Variants in ZCWPW2 observed in about 807,000 individuals in gnomAD.
ZCWPW2 encodes zinc finger CW-type PWWP domain protein 2.
A neutral mutation model predicts 46.6 loss-of-function variants in ZCWPW2; 45 were observed. That is an observed-to-expected ratio of 0.96 (90% CI 0.76 to 1.24). ZCWPW2 has a LOEUF of 1.24. Among genes scored for constraint, ZCWPW2 ranks in the 50% most tolerant of loss-of-function variants. The pLI is 0.00. For synonymous variants in ZCWPW2, 152 were observed against 137.1 expected, an observed-to-expected ratio of 1.11 and a Z score of -0.76; for missense variants, 429 against 403.9, an observed-to-expected ratio of 1.06 and a Z score of -0.53.
intron 5 of ZCWPW2, 117 bp downstream of exon 5, chr3:28,479,048 T>C (rs755089039): frequency 9.7e-6 from 6 of 619,398 alleles, no homozygotes; most frequent in Non-Finnish European, 1.6e-5. Flanking sequence ...AGGGAAATAG[T>C]ATATCATTGT....
intron 2 of ZCWPW2, among the ~76,000 whole-genome samples, chr3:28,399,079 C>G (rs116637435): frequency 0.034 from 5,153 of 152,268 alleles, 121 homozygotes; most frequent in Non-Finnish European, 0.054. Flanking sequence ...TGGAAACAGA[C>G]TTGGTGATGT....
intron 5 of ZCWPW2, among the ~76,000 whole-genome samples, chr3:28,485,027 T>C (rs1699549658): frequency 1.3e-5 from 2 of 152,142 alleles, no homozygotes; most frequent in South Asian, 4.1e-4. Flanking sequence ...TTCTAATAGA[T>C]GAATTCAATG....
rs560772782 is a variant in ZCWPW2 at position 28,441,609 on chromosome 3, G to A, written c.492+6340G>A. ...CATGAGGCCATTGGTGCAAGCTGGGGGAGAGAAGGCAGGGTGGCAGGACTG... is the reference window on the plus strand; with the variant it reads ...CATGAGGCCATTGGTGCAAGCTGGGAGAGAGAAGGCAGGGTGGCAGGACTG... On this transcript the variant is annotated intron_variant, in intron 4 of 9. Transcript: ENST00000383768. 1.1e-4 allele frequency among the ~76,000 whole-genome samples: 16 copies of A among 152,262 alleles called. No individual in the cohort carries two copies. The South Asian group carries it at 3.1e-3, about 30-fold the overall frequency.
At position 28,504,251 on chromosome 3, in the gene ZCWPW2, C is replaced by A. The variant is rs528243763; in HGVS notation, c.658-9813C>A. On this transcript the variant is annotated intron_variant, in intron 6 of 9. Coordinates refer to ENST00000383768, the MANE Select transcript of ZCWPW2 (RefSeq NM_001040432.4). ...TTCACTTTGTTCCAGAAATAATTTGCCGTATCATGAAATATTTATATTAGA... is the reference window on the plus strand; with the variant it reads ...TTCACTTTGTTCCAGAAATAATTTGACGTATCATGAAATATTTATATTAGA... 6.6e-5 allele frequency among the ~76,000 whole-genome samples: 10 copies of A among 152,128 alleles called. No homozygotes were observed. The South Asian group carries it at 2.1e-3, about 32-fold the overall frequency.
chr3:28,407,323 T>A (rs1346251119), intron 2 of ZCWPW2, among the ~76,000 whole-genome samples: 2 of 152,216 alleles, frequency 1.3e-5, no homozygotes, highest in African/African-American at 4.8e-5. Flanking sequence ...ATCAAGTATT[T>A]TATGGAACTT....
chr3:28,452,613 A>T (rs1698269677), intron 4 of ZCWPW2, among the ~76,000 whole-genome samples: 2 of 152,154 alleles, frequency 1.3e-5, no homozygotes, highest in Non-Finnish European at 2.9e-5. Flanking sequence ...TTAAAATAGA[A>T]ATTGTGATAG....
chr3:28,509,317 G>T (rs1700363630), intron 6 of ZCWPW2, among the ~76,000 whole-genome samples: 1 of 152,044 alleles, frequency 6.6e-6, no homozygotes, highest in Non-Finnish European at 1.5e-5. Flanking sequence ...ATGGGAATAT[G>T]CTTCTATTTT....
At position 28,417,149 on chromosome 3, in the gene ZCWPW2, G is replaced by A. The variant is rs547887278; in HGVS notation, c.332+3749G>A. Among the ~76,000 whole-genome samples the A allele has an allele frequency of 2.7e-5, 4 of 150,360 alleles. No individual in the cohort carries two copies. In the East Asian group the frequency reaches 5.9e-4, roughly 22 times the overall value. ...AAAGACAAAGGGGATATCACTGCTA[G>A]CAAGACAAATAAAGAAGAAAAGACA... On this transcript the variant is annotated intron_variant, in intron 3 of 9. Transcript: ENST00000383768.
At chr3:28,439,891 G>A (rs1187769836) in intron 4 of ZCWPW2, among the ~76,000 whole-genome samples, 1 of 152,184 alleles carries the variant, frequency 6.6e-6, no homozygotes, top group African/African-American at 2.4e-5. Context: ...TCTGCAGCTG[G>A]TCATGTGGTT....
chr3:28,466,511 G>T (rs1479047468), intron 4 of ZCWPW2, among the ~76,000 whole-genome samples: 1 of 152,132 alleles, frequency 6.6e-6, no homozygotes, highest in Non-Finnish European at 1.5e-5. Flanking sequence ...AGAAAATAAA[G>T]CCCGAGACTG....
intron 4 of ZCWPW2, among the ~76,000 whole-genome samples, chr3:28,473,737 G>A (rs1264690959): frequency 2.6e-5 from 4 of 152,172 alleles, no homozygotes; most frequent in African/African-American, 9.7e-5. Context: ...CAACATGGAT[G>A]GAACTGGAGG....
chr3:28,402,006 C>G (rs1323595317), intron 2 of ZCWPW2, among the ~76,000 whole-genome samples: 1 of 151,056 alleles, frequency 6.6e-6, no homozygotes, highest in Non-Finnish European at 1.5e-5. Context: ...AAGGTCATAC[C>G]TCAAGGAATG....
At chr3:28,350,500 T>G (rs181595441) in intron 1 of ZCWPW2, among the ~76,000 whole-genome samples, 85 of 152,326 alleles carry the variant, frequency 5.6e-4, no homozygotes, top group African/African-American at 1.9e-3. Flanking sequence ...TATAATGGGT[T>G]TATTAAGAAA....
intron 4 of ZCWPW2, among the ~76,000 whole-genome samples, chr3:28,462,335 C>A (rs17639978): frequency 0.22 from 32,951 of 152,166 alleles, 4,138 homozygotes; most frequent in Middle Eastern, 0.3. Flanking sequence ...TGAAAAGATT[C>A]TTTTGTGAAG....
intron 6 of ZCWPW2, among the ~76,000 whole-genome samples, chr3:28,507,671 C>T (rs1364268620): frequency 6.6e-6 from 1 of 151,836 alleles, no homozygotes; most frequent in Admixed American, 6.6e-5. Context: ...TTTGAGACTT[C>T]CTCTGTGAAC....
rs71087698 is a variant in ZCWPW2, at chr3:28,436,323, C to CTTTTTTTTTTTTTTTTTTTTTTTTTTT, written c.492+1072_492+1073insTTTTTTTTTTTTTTTTTTTTTTTTTTT. 4.3e-5 allele frequency among the ~76,000 whole-genome samples: 5 copies of CTTTTTTTTTTTTTTTTTTTTTTTTTTT among 116,838 alleles called. 1 individual carries two copies. Among genetic ancestry groups the CTTTTTTTTTTTTTTTTTTTTTTTTTTT allele is most frequent in the African/African-American group, 6.6e-5 (2 of 30,334 alleles). The allele number at this position is 116,838 out of a possible 152,430, so 76.7% of individuals were successfully genotyped here. A position where few individuals can be genotyped will look rare whatever the true frequency, so the allele number is the denominator to read the frequency against. On this transcript the variant is annotated intron_variant, in intron 4 of 9. Transcript: ENST00000383768. Reference sequence around the variant, plus strand: ...TCAATTTGAATATTTTCTTTTTTTTCTTTTTTTTTTTTTTTTTTGTGATGG... The same window carrying CTTTTTTTTTTTTTTTTTTTTTTTTTTT: ...TCAATTTGAATATTTTCTTTTTTTTCTTTTTTTTTTTTTTTTTTTTTTTTTTTTTTTTTTTTTTTTTTTTTGTGATGG...
intron 1 of ZCWPW2, among the ~76,000 whole-genome samples, chr3:28,372,244 T>C (rs1366400474): frequency 1.3e-5 from 2 of 152,268 alleles, no homozygotes; most frequent in East Asian, 3.9e-4. Flanking sequence ...TGGATGTAGT[T>C]AGAGATTTAT....
At chr3:28,388,325 TC>T (rs1317147565) in intron 1 of ZCWPW2, among the ~76,000 whole-genome samples, 1 of 151,812 alleles carries the variant, frequency 6.6e-6, no homozygotes, top group Non-Finnish European at 1.5e-5. Context: ...CTATCACAAG[TC>T]CCCCCCTTGT....
At chr3:28,496,753 A>G (rs1469570638) in intron 6 of ZCWPW2, among the ~76,000 whole-genome samples, 11 of 151,876 alleles carry the variant, frequency 7.2e-5, no homozygotes, top group Admixed American at 7.2e-4. Context: ...GGTAATTACT[A>G]AGTGCCAGGC....
Sources: gnomAD v4.1 joint callset for allele counts (sites outside exome capture counted in the v4.1 genomes callset) on GRCh38, gnomAD v4.1.1 for gene constraint, MANE v1.5 for transcripts, NCBI Gene and HGNC (gene_info 2026-07-23, HGNC 2026-07-21) for gene names.